SIL1: variants seen among roughly 807,000 people sequenced by gnomAD.
SIL1 encodes the protein nucleotide exchange factor SIL1.
A neutral mutation model predicts 49.1 loss-of-function variants in SIL1; 40 were observed. The observed-to-expected ratio is 0.81, with a 90% CI of 0.63 to 1.06. The LOEUF (loss-of-function observed/expected upper bound fraction) is 1.06. Ranked by LOEUF, SIL1 falls within the 50% of genes least tolerant of loss-of-function variation. The pLI, the probability that SIL1 is intolerant of heterozygous loss-of-function variation, is 0.00. For missense variants in SIL1, 500 were observed against 572.6 expected, an observed-to-expected ratio of 0.87 and a Z score of 1.29; for synonymous variants, 253 against 250.8, an observed-to-expected ratio of 1.01 and a Z score of -0.08.
chr5:139,187,738 T>C (rs1388840734), intron 1 of SIL1: 1 of 152,196 alleles, frequency 6.6e-6, no homozygotes, highest in Non-Finnish European at 1.5e-5. Flanking sequence ...TTGGAATTTA[T>C]TCAGGAGCTA....
intron 1 of SIL1, among the ~76,000 whole-genome samples, chr5:139,175,524 A>T (rs145051521): frequency 6.6e-6 from 1 of 152,356 alleles, no homozygotes; most frequent in African/African-American, 2.4e-5. Context: ...AAAGCCCTAG[A>T]CCTGATGGCT....
At chr5:138,983,508 G>GAA (rs749818874) in intron 7 of SIL1, among the ~76,000 whole-genome samples, 1 of 136,352 alleles carries the variant, frequency 7.3e-6, no homozygotes, top group Admixed American at 7.4e-5. Flanking sequence ...ATTTTGTCTC[G>GAA]AAAAAAAAAA....
intron 1 of SIL1, among the ~76,000 whole-genome samples, chr5:139,163,439 G>A (rs142180275): frequency 6.6e-6 from 1 of 151,834 alleles, no homozygotes; most frequent in African/African-American, 2.4e-5. Context: ...GCACCATCTC[G>A]TCTCATTGCA....
chr5:139,197,268 CAAAA>C (rs11363617), intron 1 of SIL1, among the ~76,000 whole-genome samples: 418 of 58,830 alleles, frequency 7.1e-3, no homozygotes, highest in African/African-American at 0.027. Flanking sequence ...AACTCCGCCT[CAAAA>C]AAAAAAAAAA....
intron 7 of SIL1, among the ~76,000 whole-genome samples, chr5:139,010,405 T>G (rs1768228386): frequency 2.0e-5 from 3 of 151,050 alleles, no homozygotes; most frequent in African/African-American, 7.2e-5. Context: ...GCCTTTGGTT[T>G]GAATGTCCTC....
At chr5:138,987,247 C>T (rs950922454) in intron 7 of SIL1, among the ~76,000 whole-genome samples, 10 of 151,574 alleles carry the variant, frequency 6.6e-5, no homozygotes, top group African/African-American at 2.2e-4. Context: ...GTAGCTGGGA[C>T]TACAGGCACA....
chr5:139,165,247 G>A (rs946725425), intron 1 of SIL1, among the ~76,000 whole-genome samples: 13 of 152,178 alleles, frequency 8.5e-5, no homozygotes, highest in African/African-American at 2.4e-4. Flanking sequence ...CAGATCTTCA[G>A]ATAAACTCAA....
At chr5:138,973,451 T>C (rs959792567) in intron 7 of SIL1, among the ~76,000 whole-genome samples, 1 of 151,552 alleles carries the variant, frequency 6.6e-6, no homozygotes, top group African/African-American at 2.4e-5. Context: ...CCATCAGAGG[T>C]AAGAGCAGAG....
chr5:139,011,384 C>A (rs1768267902), intron 7 of SIL1, among the ~76,000 whole-genome samples: 1 of 152,244 alleles, frequency 6.6e-6, no homozygotes, highest in African/African-American at 2.4e-5. Flanking sequence ...GTGAGATGAA[C>A]CCGGTACCTC....
intron 7 of SIL1, among the ~76,000 whole-genome samples, chr5:139,014,608 C>T (rs1768360240): frequency 6.6e-6 from 1 of 152,162 alleles, no homozygotes; most frequent in Non-Finnish European, 1.5e-5. Context: ...GTGCCTCCCT[C>T]CCCAGAATGA....
At chr5:139,114,823 A>G (rs931660043) in intron 3 of SIL1, among the ~76,000 whole-genome samples, 2 of 152,218 alleles carry the variant, frequency 1.3e-5, no homozygotes, top group Non-Finnish European at 2.9e-5. Context: ...TGTTTCTTCT[A>G]TTTAGCCCCT....
intron 1 of SIL1, among the ~76,000 whole-genome samples, chr5:139,169,861 C>CCCTCTTTCCACGGTCTCCCTCTG (rs1554137119): frequency 0.35 from 51,852 of 149,590 alleles, 11,278 homozygotes; most frequent in South Asian, 0.49. Context: ...GTCTCCCTCT[C>CCCTCTTTCCACGGTCTCCCTCTG]CCTCTTTCCA....
rs1165860336 is a variant in SIL1, at chr5:139,007,427, C to G, written c.767+13744G>C. Among the ~76,000 whole-genome samples the G allele has an allele frequency of 2.3e-4, 30 of 130,102 alleles. 2 individuals carry two copies. The South Asian group carries it at 2.5e-3, about 11-fold the overall frequency. 85.4% of individuals were successfully genotyped at this position (130,102 alleles called of 152,430 possible). On this transcript the variant is annotated intron_variant, in intron 7 of 9. Coordinates refer to ENST00000394817, the MANE Select transcript of SIL1 (RefSeq NM_022464.5). Reference sequence around the variant, plus strand: ...GCAAACAGGGACAATTTGACTTCCTCTTTTCCTAATTGAATATCCTTTATT... The same window carrying G: ...GCAAACAGGGACAATTTGACTTCCTGTTTTCCTAATTGAATATCCTTTATT...
intron 7 of SIL1, among the ~76,000 whole-genome samples, chr5:138,957,768 T>C (rs1359698136): frequency 6.6e-6 from 1 of 152,114 alleles, no homozygotes; most frequent in Non-Finnish European, 1.5e-5. Flanking sequence ...CCTAAACATA[T>C]CAGTGTGTAT....
At chr5:139,030,457 A>G (rs1768761503) in intron 5 of SIL1, among the ~76,000 whole-genome samples, 2 of 151,540 alleles carry the variant, frequency 1.3e-5, no homozygotes. Context: ...CGTGTGGGCG[A>G]CAGAGCAAGA....
chr5:139,127,653 C>T (rs1750779978), intron 2 of SIL1, 86 bp downstream of exon 2: 3 of 1,079,502 alleles, frequency 2.8e-6, no homozygotes, highest in Non-Finnish European at 4.2e-6. Flanking sequence ...GAAGCCCACA[C>T]CCTACTCCCA....
intron 3 of SIL1, among the ~76,000 whole-genome samples, chr5:139,054,666 G>A (rs567638023): frequency 1.3e-5 from 2 of 152,282 alleles, no homozygotes; most frequent in African/African-American, 4.8e-5. Flanking sequence ...GCATGTAAGT[G>A]TATAAGCTTC....
rs561109608 is a variant in SIL1 at position 138,987,393 on chromosome 5, T to TA, written c.767+33777dup. ...TCCCACAGTGCTGGGATTGCATTAT[T>TA]AAAAAAAAAATCTAACTAGTCATCC... On this transcript the variant is annotated intron_variant, in intron 7 of 9. Transcript: ENST00000394817. 2.2e-3 allele frequency among the ~76,000 whole-genome samples: 334 copies of TA among 149,902 alleles called. 5 individuals carry two copies. Among genetic ancestry groups the TA allele is most frequent in the South Asian group, 0.015 (73 of 4,752 alleles).
At chr5:139,001,530 A>G (rs1452368452) in intron 7 of SIL1, among the ~76,000 whole-genome samples, 1 of 152,254 alleles carries the variant, frequency 6.6e-6, no homozygotes, top group Non-Finnish European at 1.5e-5. Flanking sequence ...GTAACAACAT[A>G]GAAAACTACT....
Sources: allele counts gnomAD v4.1 joint callset (sites outside exome capture counted in the v4.1 genomes callset), GRCh38; gene constraint gnomAD v4.1.1; transcripts MANE v1.5; gene names NCBI Gene and HGNC (gene_info 2026-07-23, HGNC 2026-07-21).